Variants in TBC1D32 observed in about 807,000 individuals in gnomAD.
The protein encoded by TBC1D32 is protein broad-minded.
A neutral mutation model predicts 170.3 loss-of-function variants in TBC1D32; 151 were observed. The observed-to-expected ratio is 0.89, with a 90% CI of 0.78 to 1.01. The LOEUF is 1.01. TBC1D32 is among the 50% of genes least tolerant of loss of function. TBC1D32 has a pLI of 0.00. For synonymous variants in TBC1D32, 498 were observed against 488.0 expected (o/e 1.02, Z -0.27); for missense variants, 1,464 against 1,457.1 (o/e 1.00, Z -0.08).
chr6:121,281,446 G>C (rs1234419089), intron 14 of TBC1D32, 98 bp downstream of exon 14: 3 of 903,538 alleles, frequency 3.3e-6, no homozygotes, highest in Non-Finnish European at 5.0e-6. Context: ...TGGAAGGACA[G>C]CATAATAAAA....
intron 3 of TBC1D32, among the ~76,000 whole-genome samples, chr6:121,313,129 T>C (rs1295282050): frequency 7.4e-6 from 1 of 135,788 alleles, no homozygotes; most frequent in African/African-American, 2.7e-5. Flanking sequence ...TGTGTGTGTG[T>C]GTGTGTGTGT....
chr6:121,231,439 T>C (rs1196459411), intron 20 of TBC1D32, among the ~76,000 whole-genome samples: 1 of 152,208 alleles, frequency 6.6e-6, no homozygotes, highest in Non-Finnish European at 1.5e-5. Context: ...AGATACCTAG[T>C]AGTGGGATTG....
intron 12 of TBC1D32, among the ~76,000 whole-genome samples, chr6:121,291,013 G>A (rs1775624119): frequency 1.3e-5 from 2 of 151,994 alleles, no homozygotes; most frequent in Non-Finnish European, 2.9e-5. Context: ...GTTGGGGGAG[G>A]GTGGATGGAT....
intron 30 of TBC1D32, among the ~76,000 whole-genome samples, chr6:121,101,064 A>G (rs1212810808): frequency 6.6e-6 from 1 of 152,138 alleles, no homozygotes; most frequent in Non-Finnish European, 1.5e-5. Flanking sequence ...GAATCGACCA[A>G]TAACGGGCTC....
At chr6:121,118,963 A>G (rs763401548) in intron 26 of TBC1D32, among the ~76,000 whole-genome samples, 3 of 152,054 alleles carry the variant, frequency 2.0e-5, no homozygotes, top group African/African-American at 4.8e-5. Context: ...TGATTATGCA[A>G]TTACCCCTGC....
intron 25 of TBC1D32, among the ~76,000 whole-genome samples, chr6:121,127,389 A>T (rs1582880627): frequency 1.3e-5 from 2 of 152,178 alleles, no homozygotes; most frequent in East Asian, 3.8e-4. Context: ...TAGGACAAAA[A>T]TGAAATGATT....
intron 24 of TBC1D32, among the ~76,000 whole-genome samples, chr6:121,149,737 C>T (rs529183241): frequency 6.6e-5 from 10 of 152,232 alleles, no homozygotes; most frequent in South Asian, 6.2e-4. Flanking sequence ...CTTTGCTATA[C>T]GGGCTCTCTA....
intron 4 of TBC1D32, among the ~76,000 whole-genome samples, chr6:121,310,307 C>T (rs987035810): frequency 2.0e-5 from 3 of 152,234 alleles, no homozygotes; most frequent in Non-Finnish European, 4.4e-5. Context: ...AACAGCTCAA[C>T]TTAGCCATTC....
chr6:121,114,334 CTT>C (rs1438973563), intron 27 of TBC1D32, among the ~76,000 whole-genome samples: 1 of 152,140 alleles, frequency 6.6e-6, no homozygotes, highest in Non-Finnish European at 1.5e-5. Context: ...TTCATAATAA[CTT>C]TGCTTATTTC....
intron 22 of TBC1D32, among the ~76,000 whole-genome samples, chr6:121,191,817 T>C (rs997112133): frequency 6.6e-6 from 1 of 152,072 alleles, no homozygotes; most frequent in African/African-American, 2.4e-5. Context: ...AGACCCACCC[T>C]TAATCTGGTG....
At chr6:121,238,245 A>G (rs1435086620) in intron 20 of TBC1D32, among the ~76,000 whole-genome samples, 1 of 152,030 alleles carries the variant, frequency 6.6e-6, no homozygotes, top group Non-Finnish European at 1.5e-5. Flanking sequence ...CAAATTTTCT[A>G]CCTTAAGCAA....
intron 5 of TBC1D32, among the ~76,000 whole-genome samples, chr6:121,306,795 T>C (rs140206191): frequency 1.3e-5 from 2 of 152,296 alleles, no homozygotes; most frequent in East Asian, 1.9e-4. Context: ...AATAAAATCA[T>C]ATCTACTGAC....
intron 22 of TBC1D32, among the ~76,000 whole-genome samples, chr6:121,184,897 C>A (rs1788978287): frequency 6.6e-6 from 1 of 152,044 alleles, no homozygotes. Flanking sequence ...AGAGGCCGAC[C>A]TATCCATGAA....
At chr6:121,287,004 A>G (rs921994516) in intron 12 of TBC1D32, among the ~76,000 whole-genome samples, 19 of 152,192 alleles carry the variant, frequency 1.2e-4, no homozygotes, top group African/African-American at 4.3e-4. Flanking sequence ...TGAAGGAAGC[A>G]CTAAACATGG....
intron 30 of TBC1D32, among the ~76,000 whole-genome samples, chr6:121,100,456 T>C (rs535418954): frequency 7.9e-5 from 12 of 152,098 alleles, no homozygotes; most frequent in African/African-American, 2.2e-4. Flanking sequence ...TGCTCCTGTA[T>C]TGGGTGCATA....
At chr6:121,084,666 T>G (rs1297064316) in intron 31 of TBC1D32, among the ~76,000 whole-genome samples, 1 of 152,160 alleles carries the variant, frequency 6.6e-6, no homozygotes, top group Non-Finnish European at 1.5e-5. Flanking sequence ...TCAGTTGATG[T>G]TTGCAAAAAT....
At chr6:121,206,424 G>T (rs1379144523) in intron 21 of TBC1D32, among the ~76,000 whole-genome samples, 2 of 152,042 alleles carry the variant, frequency 1.3e-5, no homozygotes, top group Non-Finnish European at 2.9e-5. Flanking sequence ...GGTTTTGCTA[G>T]GGAGTAAAGT....
intron 2 of TBC1D32, among the ~76,000 whole-genome samples, chr6:121,318,660 T>TA (rs992989277): frequency 7.2e-5 from 11 of 151,848 alleles, no homozygotes; most frequent in African/African-American, 2.7e-4. Flanking sequence ...AAAATGAGAT[T>TA]AAAAAATACA....
rs1015923322 is a variant in TBC1D32 at position 121,255,252 on chromosome 6, T to C, written c.2018+76A>G. The C allele has an allele frequency of 2.5e-5, 22 of 871,410 alleles. No individual in the cohort carries two copies. In the African/African-American group the frequency reaches 3.4e-4, roughly 13 times the overall value. 54.0% of individuals were successfully genotyped at this position (871,410 alleles called of 1,614,324 possible). A position where few individuals can be genotyped will look rare whatever the true frequency, so the allele number is the denominator to read the frequency against. Reference sequence around the variant, plus strand: ...CCTGTAAAACATTTTTGCCATAGTATTCTATTACATTTTAATAATTTTAAA... The same window carrying C: ...CCTGTAAAACATTTTTGCCATAGTACTCTATTACATTTTAATAATTTTAAA... On this transcript the variant is annotated intron_variant, in intron 17 of 31. Coordinates refer to ENST00000398212, the MANE Select transcript of TBC1D32 (RefSeq NM_152730.6).
Sources: allele counts gnomAD v4.1 joint callset (sites outside exome capture counted in the v4.1 genomes callset), GRCh38; gene constraint gnomAD v4.1.1; transcripts MANE v1.5; gene names NCBI Gene and HGNC (gene_info 2026-07-23, HGNC 2026-07-21).